Variants in AP4S1 observed in about 807,000 individuals in gnomAD.
The protein encoded by AP4S1 is AP-4 complex subunit sigma-1.
In AP4S1, 23 loss-of-function variants were observed where a neutral mutation model predicts 19.8. The ratio of observed to expected loss-of-function variants is 1.16; its 90% CI spans 0.84 to 1.65. The LOEUF is 1.65. AP4S1 is among the 40% of genes most tolerant of loss of function. AP4S1 has a pLI of 0.00. For missense variants in AP4S1, 166 were observed against 172.8 expected (o/e 0.96, Z 0.22); for synonymous variants, 46 against 54.1 (o/e 0.85, Z 0.66).
chr14:31,059,778 C>T (rs1886319433), intron 1 of AP4S1, among the ~76,000 whole-genome samples: 1 of 151,896 alleles, frequency 6.6e-6, no homozygotes, highest in Non-Finnish European at 1.5e-5. Context: ...TGTTATATCC[C>T]CAGCTGAGCT....
intron 1 of AP4S1, chr14:31,026,481 G>C (rs1429295954): frequency 2.7e-6 from 1 of 368,364 alleles, no homozygotes; most frequent in Non-Finnish European, 4.8e-6. Flanking sequence ...CTAGCGCACA[G>C]CATGCTGGGT....
intron 1 of AP4S1, among the ~76,000 whole-genome samples, chr14:31,040,812 A>G (rs951362964): frequency 6.6e-6 from 1 of 152,144 alleles, no homozygotes; most frequent in Non-Finnish European, 1.5e-5. Context: ...ATACTACTAG[A>G]AAAATGATAG....
chr14:31,035,487 A>G (rs1293475421), intron 1 of AP4S1, among the ~76,000 whole-genome samples: 2 of 151,890 alleles, frequency 1.3e-5, no homozygotes, highest in Non-Finnish European at 2.9e-5. Context: ...AACCACGCCC[A>G]GCCAGTAATT....
Position 31,055,989 on chromosome 14 carries a change from G to A in AP4S1, c.-71-10137G>A, listed in dbSNP as rs192776059. ...CTCCCAAGTAGCTGGGATTACAGGCGCCCACCACCATGCCAGGCTAATTTT... is the reference window on the plus strand; with the variant it reads ...CTCCCAAGTAGCTGGGATTACAGGCACCCACCACCATGCCAGGCTAATTTT... On this transcript the variant is annotated intron_variant, in intron 1 of 5. Transcript: ENST00000542754. 2.2e-3 allele frequency among the ~76,000 whole-genome samples: 340 copies of A among 151,432 alleles called. 5 individuals carry two copies. The Middle Eastern group carries it at 0.024, about 11-fold the overall frequency.
chr14:31,029,822 CTTAAGACAAACAAAA>C (rs1884280909), intron 1 of AP4S1, among the ~76,000 whole-genome samples: 1 of 151,056 alleles, frequency 6.6e-6, no homozygotes, highest in Non-Finnish European at 1.5e-5. Context: ...AAAACCCTGT[CTTAAGACAAACAAAA>C]CCCTTCCCCC....
chr14:31,072,885 C>T lies in AP4S1; in HGVS notation c.226-20C>T. ...GGAAGCGACACTAAAATTGATTGTACCTTTCTTCTTTTATTGTAGAACGAG... is the reference window on the plus strand; with the variant it reads ...GGAAGCGACACTAAAATTGATTGTATCTTTCTTCTTTTATTGTAGAACGAG... On this transcript the variant is annotated intron_variant, in intron 3 of 5. Coordinates refer to ENST00000542754, the MANE Select transcript of AP4S1 (RefSeq NM_001128126.3). 1 of 1,598,210 alleles carries T rather than the reference C, an allele frequency of 6.3e-7. No homozygotes were observed. Among genetic ancestry groups the T allele is most frequent in the South Asian group, 1.1e-5 (1 of 90,726 alleles).
In AP4S1 at chr14:31,092,814, A is replaced by C. The variant is rs144619448; in HGVS notation, c.307-93A>C. 7.6e-4 allele frequency: 735 copies of C among 965,166 alleles called. 6 individuals are homozygous for C. In the African/African-American group the frequency reaches 0.011, roughly 14 times the overall value. The allele number at this position is 965,166 out of a possible 1,614,324, so 59.8% of individuals were successfully genotyped here. A position where few individuals can be genotyped will look rare whatever the true frequency, so the allele number is the denominator to read the frequency against. ...TACAAAAAACCTCATGCTTAGGCTA[A>C]TTTACACTGGGAACACTCTAGGTTA... On this transcript the variant is annotated intron_variant, in intron 5 of 5. Transcript: ENST00000542754.
intron 3 of AP4S1, among the ~76,000 whole-genome samples, chr14:31,071,356 A>G (rs1886988106): frequency 6.6e-6 from 1 of 152,252 alleles, no homozygotes; most frequent in South Asian, 2.1e-4. Context: ...AAATAGATCT[A>G]AGAACTCTAA....
intron 1 of AP4S1, among the ~76,000 whole-genome samples, chr14:31,058,369 A>G (rs1322290504): frequency 1.3e-5 from 2 of 152,110 alleles, no homozygotes; most frequent in East Asian, 1.9e-4. Flanking sequence ...TTCCCTTGCT[A>G]GGGCATCCTA....
chr14:31,080,442 G>A, intron 4 of AP4S1, 131 bp from the exon 5 acceptor site: 2 of 746,044 alleles, frequency 2.7e-6, no homozygotes, highest in Admixed American at 4.1e-5. Context: ...GACTGCTGTG[G>A]CCACCAAGCC....
At chr14:31,080,935 G>T (rs1262424756) in intron 5 of AP4S1, among the ~76,000 whole-genome samples, 1 of 152,084 alleles carries the variant, frequency 6.6e-6, no homozygotes, top group Non-Finnish European at 1.5e-5. Flanking sequence ...GGCATTACGG[G>T]CGCCCACCAC....
intron 1 of AP4S1, among the ~76,000 whole-genome samples, chr14:31,041,390 C>A (rs1353527953): frequency 1.3e-5 from 2 of 152,130 alleles, no homozygotes; most frequent in East Asian, 3.9e-4. Flanking sequence ...CCTCAGGTAT[C>A]CGCCTGCCTC....
intron 1 of AP4S1, among the ~76,000 whole-genome samples, chr14:31,045,700 A>G (rs916961417): frequency 6.6e-6 from 1 of 152,158 alleles, no homozygotes; most frequent in South Asian, 2.1e-4. Context: ...GTATAATATG[A>G]AATATATTTG....
intron 5 of AP4S1, among the ~76,000 whole-genome samples, chr14:31,089,163 C>A (rs59643948): frequency 0.041 from 4,333 of 104,990 alleles, 138 homozygotes; most frequent in African/African-American, 0.12. Context: ...TTGTCTTAAC[C>A]AAAAAAAAAA....
chr14:31,025,817 G>A, intron 1 of AP4S1, 30 bp downstream of exon 1: 3 of 1,521,600 alleles, frequency 2.0e-6, no homozygotes, highest in East Asian at 2.5e-5. Flanking sequence ...CCAAGGCGCC[G>A]GCTCCGGCTG....
chr14:31,083,668 C>T, intron 5 of AP4S1: 3 of 399,582 alleles, frequency 7.5e-6, no homozygotes, highest in Non-Finnish European at 9.9e-6. Flanking sequence ...CCATGCCTGG[C>T]TAATTTTTTA....
intron 1 of AP4S1, among the ~76,000 whole-genome samples, chr14:31,053,523 T>C (rs1005087688): frequency 6.6e-6 from 1 of 150,544 alleles, no homozygotes; most frequent in Non-Finnish European, 1.5e-5. Context: ...CTGAGCTGGG[T>C]TGGGAAATGG....
intron 1 of AP4S1, among the ~76,000 whole-genome samples, chr14:31,031,576 AT>A (rs1284253042): frequency 1.3e-5 from 2 of 152,226 alleles, no homozygotes; most frequent in Non-Finnish European, 2.9e-5. Flanking sequence ...AAGAACACCA[AT>A]ATTTCCTCCT....
intron 1 of AP4S1, among the ~76,000 whole-genome samples, chr14:31,039,716 G>A (rs971633262): frequency 6.6e-6 from 1 of 151,246 alleles, no homozygotes; most frequent in Non-Finnish European, 1.5e-5. Flanking sequence ...TCAGCCTCCC[G>A]TGTAGCTGGG....
Sources: allele counts gnomAD v4.1 joint callset (sites outside exome capture counted in the v4.1 genomes callset), GRCh38; gene constraint gnomAD v4.1.1; transcripts MANE v1.5; gene names NCBI Gene and HGNC (gene_info 2026-07-23, HGNC 2026-07-21).